ATXN2: variants seen among roughly 807,000 people sequenced by gnomAD.
The protein encoded by ATXN2 is ataxin 2, also known as ataxin-2.
Under a neutral mutation model 138.6 loss-of-function variants are expected in ATXN2, and 37 were observed. The ratio of observed to expected loss-of-function variants is 0.27; its 90% CI spans 0.21 to 0.35. The LOEUF (loss-of-function observed/expected upper bound fraction) is 0.35, where lower values mean the gene tolerates loss of function less well. Ranked by LOEUF, ATXN2 falls within the 10% of genes least tolerant of loss-of-function variation. The pLI, the probability that ATXN2 is intolerant of heterozygous loss-of-function variation, is 1.00. For missense variants in ATXN2, 1,216 were observed against 1,480.3 expected (o/e 0.82, Z 2.93); for synonymous variants, 549 against 543.7 (o/e 1.01, Z -0.13).
chr12:111,504,989 T>C (rs1592841369), intron 14 of ATXN2, among the ~76,000 whole-genome samples: 1 of 152,154 alleles, frequency 6.6e-6, no homozygotes, highest in Non-Finnish European at 1.5e-5. Flanking sequence ...TTTGGGAGGC[T>C]GAGGTGGGCG....
At chr12:111,577,549 G>A (rs2135823822) in intron 1 of ATXN2, among the ~76,000 whole-genome samples, 1 of 152,180 alleles carries the variant, frequency 6.6e-6, no homozygotes, top group East Asian at 1.9e-4. Context: ...ACAGGCATGA[G>A]CCACCGGGCC....
Position 111,518,374 on chromosome 12 carries a change from C to A in ATXN2, c.1040G>T (p.Gly347Val). Residue 347 changes from glycine to valine, a missense_variant, in exon 9 of 25, where the codon GGA becomes GTA. Physicochemically the swap from Gly to Val is moderately radical, Grantham distance 109. Around this residue, in one of 4 missense-constraint regions of ATXN2, gnomAD observed 401 missense variants for 528.1 expected, o/e 0.76. Transcript: ENST00000673436. The stretch of plus-strand genomic sequence containing the variant: ...ACGCGGTGAATTCTGTCTCCCACTT[C>A]CCCAGGATATGACTTCTCTATTTCT... The part of the protein sequence containing the change: ...GQRNREVISW[G>V]SGRQNSPRMG... The A allele has an allele frequency of 6.2e-7, 1 of 1,613,114 alleles. No homozygotes were observed. The highest frequency in any genetic ancestry group is 8.5e-7 in the Non-Finnish European group (1 of 1,179,310).
intron 5 of ATXN2, among the ~76,000 whole-genome samples, chr12:111,544,224 T>C (rs1327536143): frequency 6.6e-6 from 1 of 152,218 alleles, no homozygotes; most frequent in East Asian, 1.9e-4. Context: ...GATTCTTGTA[T>C]TTCTCCGTAC....
chr12:111,529,320 T>C (rs149340843), intron 5 of ATXN2, among the ~76,000 whole-genome samples: 1 of 151,746 alleles, frequency 6.6e-6, no homozygotes, highest in Non-Finnish European at 1.5e-5. Context: ...AAAAGCATTG[T>C]AACAACAAGA....
intron 23 of ATXN2, chr12:111,455,755 G>A (rs893768093): frequency 1.1e-5 from 6 of 531,726 alleles, no homozygotes; most frequent in Non-Finnish European, 1.7e-5. Flanking sequence ...ACACAGAAAG[G>A]AAAGAAGGAC....
chr12:111,545,616 C>G (rs1467736563), intron 5 of ATXN2, among the ~76,000 whole-genome samples: 2 of 151,376 alleles, frequency 1.3e-5, no homozygotes, highest in African/African-American at 4.9e-5. Flanking sequence ...GGGAGAGAGT[C>G]AAGGGCATGA....
chr12:111,565,505 T>C (rs753584720), intron 1 of ATXN2, among the ~76,000 whole-genome samples: 4 of 152,184 alleles, frequency 2.6e-5, no homozygotes, highest in Non-Finnish European at 5.9e-5. Context: ...TTACAATTAT[T>C]ATTGTATCTG....
intron 20 of ATXN2, among the ~76,000 whole-genome samples, chr12:111,465,025 C>T (rs1875890506): frequency 6.6e-6 from 1 of 151,950 alleles, no homozygotes; most frequent in Non-Finnish European, 1.5e-5. Context: ...AATCATGTAC[C>T]AAAATAAAAC....
chr12:111,584,252 T>C (rs959935155), intron 1 of ATXN2, among the ~76,000 whole-genome samples: 1 of 150,504 alleles, frequency 6.6e-6, no homozygotes, highest in African/African-American at 2.4e-5. Context: ...CATGGTAGCG[T>C]GCTCCTGTAC....
At chr12:111,577,035 G>T (rs1465282761) in intron 1 of ATXN2, among the ~76,000 whole-genome samples, 1 of 151,616 alleles carries the variant, frequency 6.6e-6, no homozygotes, top group Non-Finnish European at 1.5e-5. Context: ...TCGAACTCCT[G>T]ACCTCAGGTG....
chr12:111,472,932 A>G (rs1027298669), intron 18 of ATXN2, among the ~76,000 whole-genome samples: 1 of 152,212 alleles, frequency 6.6e-6, no homozygotes, highest in African/African-American at 2.4e-5. Context: ...GGAAGACTCA[A>G]CATCATGAAG....
chr12:111,590,687 A>T (rs1213518804), intron 1 of ATXN2, among the ~76,000 whole-genome samples: 2 of 141,922 alleles, frequency 1.4e-5, no homozygotes, highest in Non-Finnish European at 1.5e-5. Context: ...CCATCTAATT[A>T]AAAAAAAAAA....
intron 3 of ATXN2, among the ~76,000 whole-genome samples, chr12:111,553,325 G>A (rs1882214378): frequency 6.6e-6 from 1 of 151,818 alleles, no homozygotes; most frequent in East Asian, 1.9e-4. Flanking sequence ...TATTGGTAGG[G>A]GACTGGTTCC....
chr12:111,555,536 T>C (rs971526436), intron 2 of ATXN2, among the ~76,000 whole-genome samples: 3 of 152,188 alleles, frequency 2.0e-5, no homozygotes, highest in Non-Finnish European at 4.4e-5. Flanking sequence ...CCTGTCGCTA[T>C]GTGAAGAAGG....
At chr12:111,559,684 A>T (rs1882570212) in intron 1 of ATXN2, among the ~76,000 whole-genome samples, 1 of 151,462 alleles carries the variant, frequency 6.6e-6, no homozygotes, top group Admixed American at 6.6e-5. Flanking sequence ...GAGACCAGAG[A>T]ATCACTTGAA....
Position 111,519,903 on chromosome 12 carries a change from C to T in ATXN2, c.962G>A (p.Arg321His), listed in dbSNP as rs571677082. ...CCTAGTGTTTATGCTGTGCCCCTCA[C>T]GTTCACTGGAATTTCTCTGAACTGC... ...YTAVQRNSSE[R>H]EGHSINTREN... Residue 321 changes from arginine (R) to histidine (H), a missense_variant, in exon 8 of 25, where the codon CGT becomes CAT. By Grantham distance (29) the Arg-to-His change is conservative. Around this residue, in one of 4 missense-constraint regions of ATXN2, gnomAD observed 401 missense variants for 528.1 expected, o/e 0.76. Transcript: ENST00000673436. 1.3e-5 allele frequency: 21 copies of T among 1,614,160 alleles called. No individual in the cohort carries two copies. The highest frequency in any genetic ancestry group is 1.6e-5 in the Non-Finnish European group (19 of 1,180,014).
At chr12:111,492,193 A>C (rs1401559534) in intron 14 of ATXN2, among the ~76,000 whole-genome samples, 1 of 152,128 alleles carries the variant, frequency 6.6e-6, no homozygotes, top group Non-Finnish European at 1.5e-5. Flanking sequence ...ATTTGTTTGG[A>C]GAAATGTAAG....
At chr12:111,494,242 T>A (rs566096105) in intron 14 of ATXN2, among the ~76,000 whole-genome samples, 129 of 152,034 alleles carry the variant, frequency 8.5e-4, no homozygotes, top group Non-Finnish European at 1.3e-3. Context: ...TAACTACAGT[T>A]TTTTAAGACA....
intron 20 of ATXN2, chr12:111,469,304 T>C (rs1335244764): frequency 1.3e-5 from 2 of 152,220 alleles, no homozygotes; most frequent in Non-Finnish European, 2.9e-5. Context: ...CAGTACTATT[T>C]AAAAACATAT....
Sources: gnomAD v4.1 joint callset for allele counts (sites outside exome capture counted in the v4.1 genomes callset) on GRCh38, gnomAD v4.1.1 for gene constraint, gnomAD v4.1.1 regional missense constraint, MANE v1.5 for transcripts, NCBI Gene and HGNC (gene_info 2026-07-23, HGNC 2026-07-21) for gene names.